PTPRE: variants seen among roughly 807,000 people sequenced by gnomAD.
PTPRE encodes the protein receptor-type tyrosine-protein phosphatase epsilon.
Under a neutral mutation model 102.0 loss-of-function variants are expected in PTPRE, and 51 were observed. The ratio of observed to expected loss-of-function variants is 0.50; its 90% CI spans 0.40 to 0.63. The LOEUF (loss-of-function observed/expected upper bound fraction) is 0.63, where lower values mean the gene tolerates loss of function less well. Ranked by LOEUF, PTPRE falls within the 30% of genes least tolerant of loss-of-function variation. The pLI is 0.00. For missense variants in PTPRE, 752 were observed against 915.1 expected, an observed-to-expected ratio of 0.82 and a Z score of 2.30; for synonymous variants, 345 against 348.2, an observed-to-expected ratio of 0.99 and a Z score of 0.10.
intron 2 of PTPRE, among the ~76,000 whole-genome samples, chr10:127,995,153 C>A (rs1853120571): frequency 6.6e-6 from 1 of 152,182 alleles, no homozygotes; most frequent in Non-Finnish European, 1.5e-5. Context: ...CAACCCCCAC[C>A]ACTCCTGAGA....
At chr10:127,946,640 A>G (rs910624789) in intron 1 of PTPRE, among the ~76,000 whole-genome samples, 3 of 152,248 alleles carry the variant, frequency 2.0e-5, no homozygotes, top group Non-Finnish European at 4.4e-5. Flanking sequence ...AATTGTGGGT[A>G]CAGGGACAAA....
intron 1 of PTPRE, among the ~76,000 whole-genome samples, chr10:127,909,247 C>G (rs1480446299): frequency 6.6e-6 from 1 of 152,108 alleles, no homozygotes. Context: ...ACATCCTTGC[C>G]CCTGAGAAGA....
At chr10:127,946,917 A>G (rs1319817462) in intron 1 of PTPRE, among the ~76,000 whole-genome samples, 6 of 151,662 alleles carry the variant, frequency 4.0e-5, no homozygotes, top group African/African-American at 1.2e-4. Context: ...AGTCCTAGCT[A>G]CTGGGGAGGC....
intron 1 of PTPRE, among the ~76,000 whole-genome samples, chr10:127,953,549 G>C (rs1849191961): frequency 6.6e-6 from 1 of 152,228 alleles, no homozygotes; most frequent in Admixed American, 6.5e-5. Context: ...TGGAAGCGGT[G>C]TATATATGTG....
Position 128,070,806 on chromosome 10 carries a change from A to G in PTPRE, c.1294-2A>G. 2 of 1,613,124 alleles carry G rather than the reference A, an allele frequency of 1.2e-6. No homozygotes were observed. The highest frequency in any genetic ancestry group is 1.3e-5 in the African/African-American group (1 of 75,038). On this transcript the variant is annotated splice_acceptor_variant, in intron 14 of 20. Coordinates refer to ENST00000254667, the MANE Select transcript of PTPRE (RefSeq NM_006504.6). LOFTEE classifies it high-confidence loss of function. The surrounding 1 kb of genome is among the most constrained non-coding windows in gnomAD (Gnocchi z 4.8). ...GTGTCATTATATCCTTCTCTGCTGC[A>G]GAAATTGACAAATGTCCGGATCATG...
At chr10:128,052,917 C>T (rs1037934055) in intron 6 of PTPRE, among the ~76,000 whole-genome samples, 24 of 152,218 alleles carry the variant, frequency 1.6e-4, no homozygotes, top group African/African-American at 4.3e-4. Context: ...CACTACCGAG[C>T]GGAGAGAGAA....
intron 2 of PTPRE, among the ~76,000 whole-genome samples, chr10:128,039,246 CG>C (rs1308996391): frequency 6.6e-6 from 1 of 152,136 alleles, no homozygotes; most frequent in Non-Finnish European, 1.5e-5. Context: ...CAGCATGCAG[CG>C]GGGGTGAGGG....
chr10:128,068,343 T>A, intron 12 of PTPRE, 57 bp downstream of exon 12: 1 of 1,548,606 alleles, frequency 6.5e-7, no homozygotes, highest in Non-Finnish European at 8.8e-7. Flanking sequence ...GTGGGATGAC[T>A]CATCCTCATG....
At chr10:128,079,793 G>A (rs1851543838) in intron 20 of PTPRE, 98 bp downstream of exon 20, 1 of 1,415,394 alleles carries the variant, frequency 7.1e-7, no homozygotes, top group Non-Finnish European at 9.6e-7. Context: ...ACATGGGGGA[G>A]GTGGGAAGGT....
chr10:128,082,285 C>A (rs906378505), intron 20 of PTPRE, among the ~76,000 whole-genome samples: 1 of 134,818 alleles, frequency 7.4e-6, no homozygotes, highest in African/African-American at 2.9e-5. Flanking sequence ...ACAATCTTGG[C>A]TCACTGCAAT....
chr10:128,051,063 C>A (rs1848528356), intron 6 of PTPRE, among the ~76,000 whole-genome samples: 1 of 152,204 alleles, frequency 6.6e-6, no homozygotes. Flanking sequence ...GTTGCAATCT[C>A]TCAGCCTGAC....
chr10:128,081,015 C>A (rs114976144), intron 20 of PTPRE, among the ~76,000 whole-genome samples: 2 of 152,086 alleles, frequency 1.3e-5, no homozygotes, highest in Non-Finnish European at 2.9e-5. Flanking sequence ...CCAGTTAGGA[C>A]GGTTGAGGGG....
rs558872304 is a variant in PTPRE, at chr10:128,074,476, G to A, written c.1599+1005G>A. 2.6e-5 allele frequency among the ~76,000 whole-genome samples: 4 copies of A among 152,308 alleles called. No homozygotes were observed. The South Asian group carries it at 8.3e-4, about 32-fold the overall frequency. On this transcript the variant is annotated intron_variant, in intron 17 of 20. Coordinates refer to ENST00000254667, the MANE Select transcript of PTPRE (RefSeq NM_006504.6). ...AGGTCAGGAGTTCGCGGCCAGCCTG[G>A]CCAACATGGCAAAACCCCGCTTCTA...
chr10:127,909,696 A>G (rs940677561), intron 1 of PTPRE, among the ~76,000 whole-genome samples: 1 of 152,134 alleles, frequency 6.6e-6, no homozygotes, highest in Non-Finnish European at 1.5e-5. Flanking sequence ...AGAGGGCAAT[A>G]CTGTATCTCC....
chr10:128,063,944 G>T (rs1294120510), intron 10 of PTPRE, among the ~76,000 whole-genome samples: 1 of 152,220 alleles, frequency 6.6e-6, no homozygotes. Flanking sequence ...CACAGGTGGG[G>T]CGAAGTTAGG....
At chr10:127,908,628 C>A (rs1022950477) in intron 1 of PTPRE, among the ~76,000 whole-genome samples, 14 of 152,162 alleles carry the variant, frequency 9.2e-5, no homozygotes, top group African/African-American at 3.1e-4. Context: ...AGGCTCTTGG[C>A]ATTTGGGGAG....
intron 2 of PTPRE, among the ~76,000 whole-genome samples, chr10:128,027,980 A>T (rs1004082915): frequency 1.3e-5 from 2 of 152,192 alleles, no homozygotes; most frequent in African/African-American, 4.8e-5. Flanking sequence ...GGACACCAGC[A>T]CGCCGAGGGT....
chr10:127,954,851 C>T (rs1361084440), intron 1 of PTPRE, among the ~76,000 whole-genome samples: 2 of 151,928 alleles, frequency 1.3e-5, no homozygotes, highest in Admixed American at 6.6e-5. Context: ...TTTTGCTTCC[C>T]GTTCCCATGA....
chr10:128,015,790 G>T (rs566916246), intron 2 of PTPRE, among the ~76,000 whole-genome samples: 1 of 152,166 alleles, frequency 6.6e-6, no homozygotes, highest in Non-Finnish European at 1.5e-5. Context: ...CAACCTGGGG[G>T]ACAGAGCAAG....
Sources: allele counts gnomAD v4.1 joint callset (sites outside exome capture counted in the v4.1 genomes callset), GRCh38; gene constraint gnomAD v4.1.1; non-coding constraint Gnocchi (gnomAD v3.1); transcripts MANE v1.5; gene names NCBI Gene and HGNC (gene_info 2026-07-23, HGNC 2026-07-21).